Variants in SCD5 observed in about 807,000 individuals in gnomAD.
SCD5 encodes stearoyl-CoA desaturase 5, also known as acyl-CoA-desaturase 4.
Under a neutral mutation model 30.4 loss-of-function variants are expected in SCD5, and 20 were observed. That is an observed-to-expected ratio of 0.66 (90% CI 0.46 to 0.96). SCD5 has a LOEUF of 0.96. SCD5 is among the 40% of genes least tolerant of loss of function. The pLI, the probability that SCD5 is intolerant of heterozygous loss-of-function variation, is 0.00. For synonymous variants in SCD5, 173 were observed against 176.4 expected (o/e 0.98, Z 0.16); for missense variants, 381 against 443.3 (o/e 0.86, Z 1.26).
intron 3 of SCD5, among the ~76,000 whole-genome samples, chr4:82,646,950 T>A (rs1482434584): frequency 6.6e-6 from 1 of 152,178 alleles, no homozygotes; most frequent in Non-Finnish European, 1.5e-5. Context: ...AGCCTCCCCA[T>A]TAGCTGGGAT....
chr4:82,788,821 T>A (rs1471618838), intron 1 of SCD5, among the ~76,000 whole-genome samples: 1 of 152,206 alleles, frequency 6.6e-6, no homozygotes, highest in South Asian at 2.1e-4. Context: ...ATTGACTCCA[T>A]GTGCTGCCCG....
intron 1 of SCD5, among the ~76,000 whole-genome samples, chr4:82,730,375 C>A (rs35822202): frequency 0.12 from 18,340 of 150,018 alleles, 1,988 homozygotes; most frequent in African/African-American, 0.29. Flanking sequence ...TGGCTCCCTG[C>A]AACCTCCGCT....
At chr4:82,661,811 C>T (rs1728014201) in intron 3 of SCD5, among the ~76,000 whole-genome samples, 1 of 152,176 alleles carries the variant, frequency 6.6e-6, no homozygotes, top group Non-Finnish European at 1.5e-5. Context: ...TATGTCCTAG[C>T]GCAGAGAGCT....
At chr4:82,708,100 G>A (rs1436804181) in intron 1 of SCD5, among the ~76,000 whole-genome samples, 3 of 152,082 alleles carry the variant, frequency 2.0e-5, no homozygotes, top group African/African-American at 7.2e-5. Flanking sequence ...GGAGGAAAGG[G>A]GAAGAAGGCA....
chr4:82,706,798 ATTC>A (rs1022488623), intron 1 of SCD5, among the ~76,000 whole-genome samples: 2 of 152,238 alleles, frequency 1.3e-5, no homozygotes, highest in Admixed American at 6.5e-5. Context: ...GAGCTCTGTC[ATTC>A]TTCTTTTGAT....
At chr4:82,793,814 G>A (rs1722148574) in intron 1 of SCD5, among the ~76,000 whole-genome samples, 1 of 152,200 alleles carries the variant, frequency 6.6e-6, no homozygotes. Flanking sequence ...TGGTAAGTAA[G>A]TAGAAGAGCA....
intron 3 of SCD5, among the ~76,000 whole-genome samples, chr4:82,656,092 T>C (rs1727861917): frequency 6.6e-6 from 1 of 152,118 alleles, no homozygotes; most frequent in South Asian, 2.1e-4. Context: ...AGACTACTTA[T>C]ATATTTTATT....
In SCD5 at chr4:82,788,163, C is replaced by T. The variant is rs972377941; in HGVS notation, c.232+10143G>A. Among the ~76,000 whole-genome samples, 4 of 152,210 alleles carry T rather than the reference C, an allele frequency of 2.6e-5. 1 individual carries two copies. The highest frequency in any genetic ancestry group is 1.3e-4 in the Admixed American group (2 of 15,288). ...AATAAGGAAGTGGGTCCTTACCAGA[C>T]GCCAATCTACCGATGCATTGTTCAT... On this transcript the variant is annotated intron_variant, in intron 1 of 4. Transcript: ENST00000319540.
At chr4:82,661,083 A>G (rs1170342787) in intron 3 of SCD5, 4 of 1,612,234 alleles carry the variant, frequency 2.5e-6, no homozygotes, top group Non-Finnish European at 3.4e-6. Context: ...GTGTACTGAT[A>G]AAAAATAAAG....
intron 1 of SCD5, among the ~76,000 whole-genome samples, chr4:82,749,192 T>A (rs956289662): frequency 6.6e-6 from 1 of 152,208 alleles, no homozygotes; most frequent in African/African-American, 2.4e-5. Flanking sequence ...GACAAGGGGC[T>A]CTGGATAGAG....
In SCD5 at chr4:82,631,231, T is replaced by A; in HGVS notation, c.*96A>T. 22 of 984,870 alleles carry A rather than the reference T, an allele frequency of 2.2e-5. No homozygotes were observed. Among genetic ancestry groups the A allele is most frequent in the Non-Finnish European group, 3.2e-5 (22 of 684,234 alleles). The allele number at this position is 984,870 out of a possible 1,614,324, so 61.0% of individuals were successfully genotyped here. On this transcript the variant is annotated 3_prime_UTR_variant, in exon 5 of 5. Coordinates refer to ENST00000319540, the MANE Select transcript of SCD5 (RefSeq NM_001037582.3). The stretch of plus-strand genomic sequence containing the variant: ...ATTGACTCGTTCCTTCCCCACCCTC[T>A]GCCCCCTCCCACGATCCAATGTACA...
chr4:82,798,614 G>T lies in SCD5; in HGVS notation c.-77C>A. Reference sequence around the variant, plus strand: ...CCGAGCGGAGCTCGAGGGTGGGGGCGGGGGCTTCTGCCTTTTAGGGGGGAA... The same window carrying T: ...CCGAGCGGAGCTCGAGGGTGGGGGCTGGGGCTTCTGCCTTTTAGGGGGGAA... On this transcript the variant is annotated 5_prime_UTR_variant, in exon 1 of 5. Transcript: ENST00000319540. 7.7e-7 allele frequency: 1 copy of T among 1,306,234 alleles called. No individual in the cohort carries two copies. The highest frequency in any genetic ancestry group is 1.0e-6 in the Non-Finnish European group (1 of 971,608). The allele number at this position is 1,306,234 out of a possible 1,614,324, so 80.9% of individuals were successfully genotyped here. A position where few individuals can be genotyped will look rare whatever the true frequency, so the allele number is the denominator to read the frequency against.
At chr4:82,705,450 C>G in intron 1 of SCD5, 37 bp from the exon 2 acceptor site, 1 of 1,610,068 alleles carries the variant, frequency 6.2e-7, no homozygotes, top group South Asian at 1.1e-5. Context: ...CAACAATGGT[C>G]CCTGAGCTTT....
intron 1 of SCD5, among the ~76,000 whole-genome samples, chr4:82,767,180 C>T (rs1721511135): frequency 6.6e-6 from 1 of 152,084 alleles, no homozygotes; most frequent in Non-Finnish European, 1.5e-5. Flanking sequence ...CTGAGTAGTA[C>T]TCAGCTAAAA....
At chr4:82,730,232 A>AT (rs763488763) in intron 1 of SCD5, among the ~76,000 whole-genome samples, 74,297 of 146,196 alleles carry the variant, frequency 0.51, 19,582 homozygotes, top group African/African-American at 0.64. Context: ...TATTATATAT[A>AT]ATATTTAAAA....
chr4:82,793,274 T>A (rs1255688460), intron 1 of SCD5, among the ~76,000 whole-genome samples: 1 of 152,172 alleles, frequency 6.6e-6, no homozygotes, highest in Admixed American at 6.5e-5. Context: ...TGTGGCCCTG[T>A]TTCTGTAGCA....
At chr4:82,718,059 G>A (rs6851715) in intron 1 of SCD5, among the ~76,000 whole-genome samples, 2,476 of 142,976 alleles carry the variant, frequency 0.017, 97 homozygotes, top group African/African-American at 0.065. Flanking sequence ...GAGTAGTTAT[G>A]GGTCATTATC....
chr4:82,798,080 TG>T (rs1335450613), intron 1 of SCD5, among the ~76,000 whole-genome samples: 757 of 25,404 alleles, frequency 0.03, 24 homozygotes, highest in African/African-American at 0.07. Context: ...CGCGGCGGGG[TG>T]GGGGCGGGGG....
chr4:82,673,264 G>T (rs1728364790), intron 3 of SCD5, among the ~76,000 whole-genome samples: 1 of 152,010 alleles, frequency 6.6e-6, no homozygotes, highest in African/African-American at 2.4e-5. Context: ...TAGAAGATCT[G>T]AAAGAATTGA....
Sources: allele counts gnomAD v4.1 joint callset (sites outside exome capture counted in the v4.1 genomes callset), GRCh38; gene constraint gnomAD v4.1.1; transcripts MANE v1.5; gene names NCBI Gene and HGNC (gene_info 2026-07-23, HGNC 2026-07-21).